GABRG3: variants seen among roughly 807,000 people sequenced by gnomAD.
The protein encoded by GABRG3 is gamma-aminobutyric acid receptor subunit gamma-3.
GABRG3 carries 25 observed loss-of-function variants against 48.8 expected under a neutral mutation model. That is an observed-to-expected ratio of 0.51 (90% CI 0.37 to 0.72). The LOEUF (loss-of-function observed/expected upper bound fraction) is 0.72. Ranked by LOEUF, GABRG3 falls within the 30% of genes least tolerant of loss-of-function variation. The pLI, the probability that GABRG3 is intolerant of heterozygous loss-of-function variation, is 0.00. For synonymous variants in GABRG3, 227 were observed against 217.6 expected (o/e 1.04, Z -0.38); for missense variants, 394 against 577.9 (o/e 0.68, Z 3.26).
intron 6 of GABRG3, among the ~76,000 whole-genome samples, chr15:27,504,721 C>T (rs1192188462): frequency 1.3e-5 from 2 of 151,950 alleles, no homozygotes; most frequent in African/African-American, 4.8e-5. Context: ...ACCACCGCCC[C>T]AACAAAGATT....
chr15:27,075,194 T>C (rs756810834), intron 3 of GABRG3, among the ~76,000 whole-genome samples: 6 of 152,224 alleles, frequency 3.9e-5, no homozygotes, highest in Non-Finnish European at 7.3e-5. Flanking sequence ...AGGTGAAAAT[T>C]ATTTAACTGA....
At chr15:27,061,564 T>C (rs1484053596) in intron 3 of GABRG3, among the ~76,000 whole-genome samples, 1 of 151,812 alleles carries the variant, frequency 6.6e-6, no homozygotes, top group Non-Finnish European at 1.5e-5. Context: ...GTTTCATCCA[T>C]GTATTTATGA....
intron 6 of GABRG3, among the ~76,000 whole-genome samples, chr15:27,512,117 G>A (rs990417463): frequency 6.6e-6 from 1 of 152,130 alleles, no homozygotes; most frequent in African/African-American, 2.4e-5. Context: ...GCTTGGAAAG[G>A]CTTGATTTGA....
chr15:27,322,316 ACGCT>A lies in GABRG3; in HGVS notation c.271-4491_271-4488del, dbSNP rs778337868. 1.1e-3 allele frequency among the ~76,000 whole-genome samples: 174 copies of A among 152,152 alleles called. 1 individual carries two copies. Among genetic ancestry groups the A allele is most frequent in the Non-Finnish European group, 1.9e-3 (130 of 68,022 alleles). On this transcript the variant is annotated intron_variant, in intron 3 of 9. Transcript: ENST00000615808. ...GAGCTTGCACCCGGAACACTGTAGG[ACGCT>A]CCCCTCTGCTACAGGGAAAGAGTAC...
chr15:27,135,737 T>A (rs1897997368), intron 3 of GABRG3, among the ~76,000 whole-genome samples: 1 of 152,014 alleles, frequency 6.6e-6, no homozygotes, highest in South Asian at 2.1e-4. Flanking sequence ...AAACCCCATC[T>A]CTACTAAAAA....
chr15:27,529,870 C>T (rs1387176269), intron 9 of GABRG3, among the ~76,000 whole-genome samples: 2 of 141,758 alleles, frequency 1.4e-5, no homozygotes, highest in Admixed American at 1.4e-4. Context: ...AAGATATTAT[C>T]ACAAAATGAG....
intron 3 of GABRG3, among the ~76,000 whole-genome samples, chr15:27,194,346 A>G (rs1256739160): frequency 1.3e-5 from 2 of 152,228 alleles, no homozygotes; most frequent in African/African-American, 4.8e-5. Context: ...TTACTCTTAC[A>G]TATTTCCATA....
chr15:27,241,228 A>G (rs576711030), intron 3 of GABRG3, among the ~76,000 whole-genome samples: 1 of 149,710 alleles, frequency 6.7e-6, no homozygotes, highest in Non-Finnish European at 1.5e-5. Flanking sequence ...ACAACAGGTC[A>G]TTGGTCATGA....
At position 27,532,729 on chromosome 15, in the gene GABRG3, T is replaced by G; in HGVS notation, c.1252T>G (p.Phe418Val). 3.1e-6 allele frequency: 5 copies of G among 1,614,042 alleles called. No homozygotes were observed. Among genetic ancestry groups the G allele is most frequent in the Non-Finnish European group, 4.2e-6 (5 of 1,179,904 alleles). Reference sequence around the variant, plus strand: ...GGATGGCAAAGACTGTCAGAGCTTCTTCTGCTGCTATGAAGAATGTAAATC... The same window carrying G: ...GGATGGCAAAGACTGTCAGAGCTTCGTCTGCTGCTATGAAGAATGTAAATC... Reference protein sequence around the residue: ...CLDGKDCQSFFCCYEECKSGS... With the variant: ...CLDGKDCQSFVCCYEECKSGS... Residue 418 changes from phenylalanine (F) to valine (V), a missense_variant, in exon 10 of 10, where the codon TTC (phenylalanine) becomes GTC (valine). This residue lies in a region of GABRG3 where 126 missense variants were observed against 155.5 expected (regional missense o/e 0.81). Coordinates refer to ENST00000615808, the MANE Select transcript of GABRG3 (RefSeq NM_033223.5).
At chr15:27,020,999 G>A (rs1238886123) in intron 2 of GABRG3, among the ~76,000 whole-genome samples, 1 of 152,116 alleles carries the variant, frequency 6.6e-6, no homozygotes, top group Non-Finnish European at 1.5e-5. Flanking sequence ...GGTGACTGTT[G>A]TTTATAATAA....
At chr15:27,372,166 T>C (rs1457658776) in intron 5 of GABRG3, among the ~76,000 whole-genome samples, 11 of 152,294 alleles carry the variant, frequency 7.2e-5, no homozygotes, top group African/African-American at 2.6e-4. Flanking sequence ...ATATGAGATA[T>C]ATATATATCA....
At chr15:27,474,325 G>A (rs1054929683) in intron 5 of GABRG3, among the ~76,000 whole-genome samples, 1 of 152,116 alleles carries the variant, frequency 6.6e-6, no homozygotes, top group Non-Finnish European at 1.5e-5. Flanking sequence ...ATGTTTCAGG[G>A]AAGTATTACT....
intron 3 of GABRG3, among the ~76,000 whole-genome samples, chr15:27,229,216 C>A (rs76640425): frequency 7.2e-5 from 11 of 152,114 alleles, no homozygotes; most frequent in African/African-American, 2.7e-4. Context: ...TTTAAGTCTT[C>A]AATCCATCTT....
At chr15:27,454,289 G>GTCCCT (rs1889196790) in intron 5 of GABRG3, among the ~76,000 whole-genome samples, 1 of 152,180 alleles carries the variant, frequency 6.6e-6, no homozygotes, top group African/African-American at 2.4e-5. Flanking sequence ...TCTGTAGTCT[G>GTCCCT]TCCCTCTGCC....
chr15:27,147,517 G>A (rs1159556528), intron 3 of GABRG3, among the ~76,000 whole-genome samples: 7 of 151,986 alleles, frequency 4.6e-5, no homozygotes, highest in Non-Finnish European at 8.8e-5. Flanking sequence ...CTTTTCAAGT[G>A]TATTGTAATT....
chr15:27,266,080 A>G (rs1219017115), intron 3 of GABRG3, among the ~76,000 whole-genome samples: 8 of 151,876 alleles, frequency 5.3e-5, no homozygotes, highest in African/African-American at 1.9e-4. Context: ...AGTTTTCTCC[A>G]TGTTGGTCAG....
chr15:27,023,331 C>T (rs1390300762), intron 2 of GABRG3, among the ~76,000 whole-genome samples: 1 of 152,104 alleles, frequency 6.6e-6, no homozygotes, highest in Non-Finnish European at 1.5e-5. Context: ...TGAAATTTGC[C>T]ATCTTAACCA....
At chr15:27,163,312 A>T (rs1210690453) in intron 3 of GABRG3, among the ~76,000 whole-genome samples, 3 of 152,078 alleles carry the variant, frequency 2.0e-5, no homozygotes, top group Non-Finnish European at 4.4e-5. Flanking sequence ...CAGCCTGGGC[A>T]ACTTAGCCTC....
intron 3 of GABRG3, among the ~76,000 whole-genome samples, chr15:27,242,969 G>A (rs1890170035): frequency 6.6e-6 from 1 of 152,078 alleles, no homozygotes. Context: ...GACTATGTTC[G>A]GATTTTTCCT....
Sources: allele counts gnomAD v4.1 joint callset (sites outside exome capture counted in the v4.1 genomes callset), GRCh38; gene constraint gnomAD v4.1.1; regional missense constraint gnomAD v4.1.1; transcripts MANE v1.5; gene names NCBI Gene and HGNC (gene_info 2026-07-23, HGNC 2026-07-21).